The following USP8 variants were observed in gnomAD, a reference collection of about 807,000 sequenced individuals.
USP8 encodes ubiquitin specific peptidase 8, also known as ubiquitin carboxyl-terminal hydrolase 8.
In USP8, 27 loss-of-function variants were observed where a neutral mutation model predicts 130.0. That is an observed-to-expected ratio of 0.21 (90% CI 0.15 to 0.29). The LOEUF (loss-of-function observed/expected upper bound fraction) is 0.29, where lower values mean the gene tolerates loss of function less well. Among genes scored for constraint, USP8 ranks in the 10% least tolerant of loss-of-function variants. The pLI is 1.00. For missense variants in USP8, 1,029 were observed against 1,312.2 expected (o/e 0.78, Z 3.33); for synonymous variants, 392 against 444.1 (o/e 0.88, Z 1.48).
chr15:50,494,706 C>G (rs1017470159), intron 16 of USP8, among the ~76,000 whole-genome samples: 1 of 152,110 alleles, frequency 6.6e-6, no homozygotes, highest in African/African-American at 2.4e-5. Context: ...TTTATTCTTA[C>G]ACATCCTTCT....
intron 5 of USP8, among the ~76,000 whole-genome samples, chr15:50,461,649 T>A (rs1253189303): frequency 6.6e-6 from 1 of 151,818 alleles, no homozygotes; most frequent in Admixed American, 6.6e-5. Flanking sequence ...GGTCAAGAGA[T>A]CAAGACCAGC....
chr15:50,479,599 T>C (rs953126657), intron 10 of USP8, among the ~76,000 whole-genome samples: 2 of 152,152 alleles, frequency 1.3e-5, no homozygotes, highest in Non-Finnish European at 2.9e-5. Flanking sequence ...TTTATTTTTG[T>C]TTCTGTTCCA....
Position 50,505,210 on chromosome 15 carries a change from T to A in USP8, c.*6122T>A, listed in dbSNP as rs1356036699. 1 of 151,946 alleles carries A rather than the reference T, an allele frequency of 6.6e-6. No individual in the cohort carries two copies. The highest frequency in any genetic ancestry group is 1.5e-5 in the Non-Finnish European group (1 of 68,010). The allele number at this position is 151,946 out of a possible 1,614,324, so 9.4% of individuals were successfully genotyped here. A position where few individuals can be genotyped will look rare whatever the true frequency, so the allele number is the denominator to read the frequency against. ...GACATGAATCTTCACATTTAGGAAA[T>A]GCAGCGAGCCAGGGATAAATAAAAA... On this transcript the variant is annotated 3_prime_UTR_variant, in exon 20 of 20. Coordinates refer to ENST00000307179, the MANE Select transcript of USP8 (RefSeq NM_005154.5).
At position 50,510,501 on chromosome 15, in the gene USP8, T is replaced by C. The variant is rs1285626438; in HGVS notation, c.*11413T>C. ...AAAAAAAACCTTGTGACAATTGATA[T>C]TTGAATATGAATCTATGAATATGAG... On this transcript the variant is annotated 3_prime_UTR_variant, in exon 20 of 20. Transcript: ENST00000307179. 1.3e-5 allele frequency: 2 copies of C among 152,130 alleles called. No homozygotes were observed. The highest frequency in any genetic ancestry group is 4.8e-5 in the African/African-American group (2 of 41,422). The allele number at this position is 152,130 out of a possible 1,614,324, so 9.4% of individuals were successfully genotyped here.
At chr15:50,459,214 A>G in intron 5 of USP8, 52 bp downstream of exon 5, 1 of 1,555,342 alleles carries the variant, frequency 6.4e-7, no homozygotes, top group South Asian at 1.2e-5. Context: ...TTGTTAGATG[A>G]TTTGCTTAAA....
chr15:50,488,553 T>A (rs12903752), intron 12 of USP8, among the ~76,000 whole-genome samples: 1 of 61,120 alleles, frequency 1.6e-5, no homozygotes, highest in Admixed American at 2.1e-4. Context: ...CAAGGTTGGC[T>A]TTTTTTTTTT....
chr15:50,481,460 G>T, intron 10 of USP8, 21 bp from the exon 11 acceptor site: 1 of 1,488,678 alleles, frequency 6.7e-7, no homozygotes. Flanking sequence ...AAAATGTTTT[G>T]CTCTGGTTTT....
At chr15:50,455,845 A>G (rs1052619268) in intron 4 of USP8, among the ~76,000 whole-genome samples, 1 of 152,168 alleles carries the variant, frequency 6.6e-6, no homozygotes, top group African/African-American at 2.4e-5. Flanking sequence ...TCAGGTGGCA[A>G]TTTGGGCAAG....
intron 9 of USP8, 69 bp from the exon 10 acceptor site, chr15:50,477,207 C>T: frequency 7.2e-7 from 1 of 1,396,622 alleles, no homozygotes; most frequent in African/African-American, 1.5e-5. Flanking sequence ...CATTAACACG[C>T]ATGAGAAATG....
At chr15:50,439,820 TAATA>T (rs988313486) in intron 2 of USP8, among the ~76,000 whole-genome samples, 3 of 137,466 alleles carry the variant, frequency 2.2e-5, no homozygotes, top group Non-Finnish European at 4.6e-5. Flanking sequence ...ATAATAATAA[TAATA>T]ATAATTTTTT....
intron 8 of USP8, among the ~76,000 whole-genome samples, chr15:50,475,379 C>A (rs958970993): frequency 5.3e-5 from 8 of 151,936 alleles, no homozygotes; most frequent in African/African-American, 1.7e-4. Context: ...AACAAGATAC[C>A]ATTTTATGTT....
At chr15:50,496,814 A>G (rs2052432106) in intron 17 of USP8, 1 of 280,670 alleles carries the variant, frequency 3.6e-6, no homozygotes, top group Non-Finnish European at 6.5e-6. Flanking sequence ...CCAGAATGTC[A>G]TTTCCTCCAA....
intron 1 of USP8, among the ~76,000 whole-genome samples, chr15:50,429,222 T>A (rs1019699257): frequency 6.6e-6 from 1 of 152,126 alleles, no homozygotes; most frequent in African/African-American, 2.4e-5. Flanking sequence ...CCACATGTCT[T>A]TTTAATAGAG....
At chr15:50,463,993 T>C (rs2051100424) in intron 6 of USP8, among the ~76,000 whole-genome samples, 1 of 152,198 alleles carries the variant, frequency 6.6e-6, no homozygotes, top group Non-Finnish European at 1.5e-5. Flanking sequence ...AACAAAATAA[T>C]CTTTTTTCCT....
chr15:50,489,011 T>C (rs2052064998), intron 12 of USP8, among the ~76,000 whole-genome samples: 1 of 152,142 alleles, frequency 6.6e-6, no homozygotes, highest in African/African-American at 2.4e-5. Flanking sequence ...CCACCCTGCC[T>C]GGCCTAGAAT....
chr15:50,468,649 G>A (rs1232422119), intron 7 of USP8, among the ~76,000 whole-genome samples: 5 of 152,010 alleles, frequency 3.3e-5, no homozygotes, highest in Admixed American at 6.6e-5. Flanking sequence ...TTTTATCACC[G>A]AGGTATTAAG....
In USP8 at chr15:50,500,418, T is replaced by C. The variant is rs971214110; in HGVS notation, c.*1330T>C. 1.2e-4 allele frequency: 21 copies of C among 179,032 alleles called. No individual in the cohort carries two copies. Among genetic ancestry groups the C allele is most frequent in the Admixed American group, 1.1e-3 (20 of 17,644 alleles). 11.1% of individuals were successfully genotyped at this position (179,032 alleles called of 1,614,324 possible). A position where few individuals can be genotyped will look rare whatever the true frequency, so the allele number is the denominator to read the frequency against. On this transcript the variant is annotated 3_prime_UTR_variant, in exon 20 of 20. Coordinates refer to ENST00000307179, the MANE Select transcript of USP8 (RefSeq NM_005154.5). ...AACTCACTATATAATTGCAGTGTTT[T>C]GAAGGCCTGCATCCATTAGCATTGC...
intron 2 of USP8, among the ~76,000 whole-genome samples, chr15:50,440,039 C>T (rs1164007373): frequency 6.6e-6 from 1 of 151,968 alleles, no homozygotes; most frequent in East Asian, 1.9e-4. Flanking sequence ...AAGATTGCAC[C>T]GTTGCACTCC....
intron 4 of USP8, among the ~76,000 whole-genome samples, chr15:50,450,274 T>G (rs1215179701): frequency 6.6e-6 from 1 of 152,130 alleles, no homozygotes; most frequent in African/African-American, 2.4e-5. Flanking sequence ...TTTGGTGGAT[T>G]CTGCTCCTGG....
Sources: gnomAD v4.1 joint callset for allele counts (sites outside exome capture counted in the v4.1 genomes callset) on GRCh38, gnomAD v4.1.1 for gene constraint, MANE v1.5 for transcripts, NCBI Gene and HGNC (gene_info 2026-07-23, HGNC 2026-07-21) for gene names.